The following SFMBT1 variants were observed in gnomAD, a reference collection of about 807,000 sequenced individuals.
SFMBT1 encodes the protein Scm like with four mbt domains 1.
Under a neutral mutation model 108.7 loss-of-function variants are expected in SFMBT1, and 32 were observed. That is an observed-to-expected ratio of 0.29 (90% CI 0.22 to 0.40). The LOEUF is 0.40. SFMBT1 is among the 10% of genes least tolerant of loss of function. The pLI is 1.00. For missense variants in SFMBT1, 816 were observed against 1,059.6 expected, an observed-to-expected ratio of 0.77 and a Z score of 3.19; for synonymous variants, 348 against 369.5, an observed-to-expected ratio of 0.94 and a Z score of 0.67.
At chr3:52,910,520 G>A (rs890320274) in intron 17 of SFMBT1, among the ~76,000 whole-genome samples, 1 of 151,876 alleles carries the variant, frequency 6.6e-6, no homozygotes, top group Non-Finnish European at 1.5e-5. Flanking sequence ...ACAGAGTCTC[G>A]TTTTGTCACC....
chr3:52,979,505 G>A (rs537948701), intron 1 of SFMBT1, among the ~76,000 whole-genome samples: 1 of 152,246 alleles, frequency 6.6e-6, no homozygotes, highest in South Asian at 2.1e-4. Context: ...ACACATGGGA[G>A]GTTTTCATGG....
intron 1 of SFMBT1, among the ~76,000 whole-genome samples, chr3:52,986,363 A>G (rs1482744429): frequency 2.0e-5 from 3 of 152,206 alleles, no homozygotes; most frequent in African/African-American, 7.2e-5. Context: ...CTTCCATAAT[A>G]AATTAACCTT....
At chr3:53,024,365 G>A (rs1019117159) in intron 1 of SFMBT1, among the ~76,000 whole-genome samples, 4 of 152,170 alleles carry the variant, frequency 2.6e-5, no homozygotes, top group Non-Finnish European at 5.9e-5. Flanking sequence ...TCCAGGCGAG[G>A]GAAGATATGT....
intron 1 of SFMBT1, among the ~76,000 whole-genome samples, chr3:52,981,493 G>C (rs570279318): frequency 1.3e-4 from 19 of 150,592 alleles, no homozygotes; most frequent in African/African-American, 4.6e-4. Context: ...CTCCCTAGTA[G>C]CTAAGACTAC....
intron 3 of SFMBT1, among the ~76,000 whole-genome samples, chr3:52,953,926 G>A (rs886610951): frequency 1.3e-5 from 2 of 151,938 alleles, no homozygotes; most frequent in Non-Finnish European, 1.5e-5. Context: ...TCAGGAGATC[G>A]AGACCATCCT....
intron 1 of SFMBT1, among the ~76,000 whole-genome samples, chr3:53,021,790 A>G (rs1339385840): frequency 1.3e-5 from 2 of 152,212 alleles, no homozygotes; most frequent in African/African-American, 2.4e-5. Context: ...GCAGGGAGAA[A>G]TAAAATCATT....
chr3:52,986,774 CAA>C (rs57437185), intron 1 of SFMBT1, among the ~76,000 whole-genome samples: 1 of 70,816 alleles, frequency 1.4e-5, no homozygotes, highest in Non-Finnish European at 2.6e-5. Flanking sequence ...GACTCTGTCT[CAA>C]AAAAAAAAAA....
chr3:52,943,565 G>A lies in SFMBT1; in HGVS notation c.152C>T (p.Ala51Val), dbSNP rs766144781. The change falls in exon 4 of 21, where the codon GCT becomes GTT. Residue 51 changes from alanine to valine, a missense_variant. Around this residue, in one of 5 missense-constraint regions of SFMBT1, gnomAD observed 495 missense variants for 607.4 expected, o/e 0.81. Coordinates refer to ENST00000394752, the MANE Select transcript of SFMBT1 (RefSeq NM_016329.4). ...AGCCACCTCCAGCTTCATCCCAGGAGCAAATCCATTTTGCAAACGTGTGTC... is the reference window on the plus strand; with the variant it reads ...AGCCACCTCCAGCTTCATCCCAGGAACAAATCCATTTTGCAAACGTGTGTC... ...HVDTRLQNGF[A>V]PGMKLEVAVR... 5 of 1,614,142 alleles carry A rather than the reference G, an allele frequency of 3.1e-6. No homozygotes were observed. Among genetic ancestry groups the A allele is most frequent in the African/African-American group, 1.3e-5 (1 of 74,948 alleles).
intron 1 of SFMBT1, among the ~76,000 whole-genome samples, chr3:52,986,217 C>T (rs1361796763): frequency 6.6e-6 from 1 of 151,286 alleles, no homozygotes; most frequent in Non-Finnish European, 1.5e-5. Flanking sequence ...GCTTGCAGGA[C>T]TGGGAAGTTG....
intron 19 of SFMBT1, 64 bp from the exon 20 acceptor site, chr3:52,906,305 C>G: frequency 1.9e-6 from 3 of 1,609,800 alleles, no homozygotes; most frequent in Non-Finnish European, 2.5e-6. Context: ...AAAAAAGTCT[C>G]TCTACCTAAA....
At chr3:52,985,688 C>T (rs192732268) in intron 1 of SFMBT1, among the ~76,000 whole-genome samples, 19 of 152,228 alleles carry the variant, frequency 1.2e-4, no homozygotes, top group East Asian at 5.8e-4. Context: ...GGTATACTTA[C>T]GCAAACCTAG....
At chr3:52,993,997 T>C (rs1185443578) in intron 1 of SFMBT1, among the ~76,000 whole-genome samples, 1 of 150,336 alleles carries the variant, frequency 6.7e-6, no homozygotes, top group East Asian at 1.9e-4. Flanking sequence ...AGTCTATGAC[T>C]GTAAAGCACA....
intron 1 of SFMBT1, among the ~76,000 whole-genome samples, chr3:53,022,927 T>C (rs902314781): frequency 5.3e-5 from 8 of 152,214 alleles, no homozygotes; most frequent in African/African-American, 1.7e-4. Flanking sequence ...TATGAATGCA[T>C]TTAATACCAC....
chr3:52,912,841 A>C (rs1299955670), intron 15 of SFMBT1, among the ~76,000 whole-genome samples, 194 bp from the exon 16 acceptor site: 1 of 152,262 alleles, frequency 6.6e-6, no homozygotes, highest in African/African-American at 2.4e-5. Flanking sequence ...GAGAGTAACC[A>C]GATCCTTTTC....
chr3:53,001,025 T>C (rs566420433), intron 1 of SFMBT1, among the ~76,000 whole-genome samples: 2 of 150,254 alleles, frequency 1.3e-5, no homozygotes, highest in South Asian at 4.2e-4. Context: ...ATTTGGATGT[T>C]CATCTCACTG....
chr3:53,003,390 T>C (rs1698626554), intron 1 of SFMBT1, among the ~76,000 whole-genome samples: 1 of 150,072 alleles, frequency 6.7e-6, no homozygotes, highest in Admixed American at 6.8e-5. Flanking sequence ...TACTGAATTA[T>C]TTATGAAATA....
chr3:52,954,517 C>T (rs1321940633), intron 2 of SFMBT1, 106 bp from the exon 3 acceptor site: 2 of 879,054 alleles, frequency 2.3e-6, no homozygotes, highest in African/African-American at 3.4e-5. Flanking sequence ...TACTTCACAA[C>T]TGATTTTGCA....
At chr3:52,926,178 C>A in intron 9 of SFMBT1, 65 bp from the exon 10 acceptor site, 1 of 1,452,376 alleles carries the variant, frequency 6.9e-7, no homozygotes, top group Non-Finnish European at 9.5e-7. Flanking sequence ...TGGCTTCACC[C>A]CTCACCAAGG....
chr3:53,016,286 T>C (rs948814685), intron 1 of SFMBT1, among the ~76,000 whole-genome samples: 1 of 152,144 alleles, frequency 6.6e-6, no homozygotes, highest in Non-Finnish European at 1.5e-5. Flanking sequence ...CTTACCATCA[T>C]AGTCTTGATC....
Sources: allele counts gnomAD v4.1 joint callset (sites outside exome capture counted in the v4.1 genomes callset), GRCh38; gene constraint gnomAD v4.1.1; regional missense constraint gnomAD v4.1.1; transcripts MANE v1.5; gene names NCBI Gene and HGNC (gene_info 2026-07-23, HGNC 2026-07-21).